Variants in WDSUB1 observed in about 807,000 individuals in gnomAD.
WDSUB1 encodes the protein WD repeat, SAM and U-box domain-containing protein 1.
In WDSUB1, 49 loss-of-function variants were observed where a neutral mutation model predicts 53.9. The observed-to-expected ratio is 0.91, with a 90% confidence interval of 0.72 to 1.15. The LOEUF (loss-of-function observed/expected upper bound fraction) is 1.15, where lower values mean the gene tolerates loss of function less well. Among genes scored for constraint, WDSUB1 ranks in the 50% most tolerant of loss-of-function variants. The pLI, the probability that WDSUB1 is intolerant of heterozygous loss-of-function variation, is 0.00. For missense variants in WDSUB1, 514 were observed against 562.0 expected (o/e 0.91, Z 0.86); for synonymous variants, 194 against 200.6 (o/e 0.97, Z 0.28).
chr2:159,239,885 C>T (rs2060597898), intron 10 of WDSUB1, among the ~76,000 whole-genome samples: 1 of 152,228 alleles, frequency 6.6e-6, no homozygotes, highest in South Asian at 2.1e-4. Flanking sequence ...AGAAACTAAA[C>T]TTCTGTTTCC....
rs765604516 is a variant in WDSUB1, at chr2:159,256,224, T to C, written c.1104A>G (p.Lys368=). 1 of 1,602,974 alleles carries C rather than the reference T, an allele frequency of 6.2e-7. No homozygotes were observed. The highest frequency in any genetic ancestry group is 1.7e-5 in the Admixed American group (1 of 57,228). ...TTTTCAAATCATCAGCCAGACTTTC[T>C]TTTGTAAGATTCAACAGTTCTTTTC... ...IDGKELLNLT[K]ESLADDLKIE... is the part of the protein sequence containing the mutation. Residue 368 remains lysine, a synonymous_variant, in exon 9 of 11, where the codon AAA becomes AAG. Coordinates refer to ENST00000359774, the MANE Select transcript of WDSUB1 (RefSeq NM_001128212.3).
intron 9 of WDSUB1, among the ~76,000 whole-genome samples, chr2:159,253,449 C>A (rs911339630): frequency 1.3e-5 from 2 of 152,154 alleles, no homozygotes; most frequent in Non-Finnish European, 2.9e-5. Context: ...GCAGAAATTT[C>A]ATTTATTGTG....
chr2:159,238,069 T>C (rs2060535664), intron 10 of WDSUB1, among the ~76,000 whole-genome samples: 1 of 152,212 alleles, frequency 6.6e-6, no homozygotes, highest in Non-Finnish European at 1.5e-5. Flanking sequence ...TTTTTGCCAG[T>C]CTCTAGGTAA....
chr2:159,281,094 T>C (rs573141296), intron 2 of WDSUB1, among the ~76,000 whole-genome samples: 29 of 152,178 alleles, frequency 1.9e-4, no homozygotes, highest in Non-Finnish European at 4.0e-4. Flanking sequence ...AAATGAGCAA[T>C]AGTTGTTGAC....
Position 159,235,810 on chromosome 2 carries a change from CTT to C in WDSUB1, c.*221_*222del, listed in dbSNP as rs1429754220. The C allele has an allele frequency of 8.4e-6, 3 of 355,166 alleles. No individual in the cohort carries two copies. The highest frequency in any genetic ancestry group is 4.2e-5 in the African/African-American group (2 of 47,314). 22.0% of individuals were successfully genotyped at this position (355,166 alleles called of 1,614,324 possible). On this transcript the variant is annotated 3_prime_UTR_variant, in exon 11 of 11. Coordinates refer to ENST00000359774, the MANE Select transcript of WDSUB1 (RefSeq NM_001128212.3). Reference sequence around the variant, plus strand: ...TAGGACACTGCAATTTAAAGTATAACTTTATTTCTATATAGCTGAAGATTCTT... The same window carrying C: ...TAGGACACTGCAATTTAAAGTATAACTATTTCTATATAGCTGAAGATTCTT...
rs1248231160 is a variant in WDSUB1, at chr2:159,275,627, CT to C, written c.594del (p.Gly199ValfsTer27). 2.5e-6 allele frequency: 4 copies of C among 1,595,334 alleles called. No individual in the cohort carries two copies. Among genetic ancestry groups the C allele is most frequent in the Non-Finnish European group, 3.4e-6 (4 of 1,175,190 alleles). ...FSSQPVSDGE[Q>X]GLQFFRLASC... ...GATGCCAGTCGAAAAAACTGAAGACCTTGTTCTCCATCTAAAATTTATTAAA... is the reference window on the plus strand; with the variant it reads ...GATGCCAGTCGAAAAAACTGAAGACCTGTTCTCCATCTAAAATTTATTAAA... On this transcript the variant is annotated frameshift_variant, in exon 4 of 11. Transcript: ENST00000359774. LOFTEE classifies it high-confidence loss of function.
Position 159,236,057 on chromosome 2 carries a change from T to C in WDSUB1, c.1407A>G (p.Arg469=). The change falls in exon 11 of 11, where the codon AGA becomes AGG. Residue 469 remains arginine, a synonymous_variant. Coordinates refer to ENST00000359774, the MANE Select transcript of WDSUB1 (RefSeq NM_001128212.3). ...TTTACTTTTGGTGTGTCTCCAGCCA[T>C]CTATTGATGGCCATTTTCAGAGTCC... The part of the protein sequence containing the change: ...PNRTLKMAIN[R]WLETHQK 16 of 1,607,662 alleles carry C rather than the reference T, an allele frequency of 1.0e-5. No homozygotes were observed. Among genetic ancestry groups the C allele is most frequent in the Non-Finnish European group, 1.4e-5 (16 of 1,178,328 alleles).
intron 4 of WDSUB1, among the ~76,000 whole-genome samples, chr2:159,274,423 A>G (rs1210680493): frequency 6.6e-6 from 1 of 152,208 alleles, no homozygotes; most frequent in Non-Finnish European, 1.5e-5. Flanking sequence ...GTTCCAGAAT[A>G]TCAATAGCCA....
intron 4 of WDSUB1, among the ~76,000 whole-genome samples, chr2:159,273,779 C>A (rs553492667): frequency 2.0e-5 from 3 of 152,246 alleles, no homozygotes; most frequent in African/African-American, 7.2e-5. Context: ...GTTAAAAAGT[C>A]AGTGTCAACA....
intron 2 of WDSUB1, 146 bp downstream of exon 2, chr2:159,282,526 C>T (rs1251451972): frequency 3.3e-6 from 3 of 916,504 alleles, no homozygotes; most frequent in Non-Finnish European, 3.2e-6. Flanking sequence ...TACCTGAAAA[C>T]TATTGGCTTC....
intron 10 of WDSUB1, among the ~76,000 whole-genome samples, chr2:159,238,416 C>G (rs1327217976): frequency 6.6e-6 from 1 of 152,188 alleles, no homozygotes; most frequent in African/African-American, 2.4e-5. Flanking sequence ...TCCGGAATAG[C>G]TGGGACTCCA....
intron 10 of WDSUB1, among the ~76,000 whole-genome samples, chr2:159,238,977 C>T (rs1452680024): frequency 1.3e-5 from 2 of 151,914 alleles, no homozygotes; most frequent in African/African-American, 4.8e-5. Flanking sequence ...AAAGTTTTAC[C>T]TATTTCTTAA....
intron 9 of WDSUB1, among the ~76,000 whole-genome samples, chr2:159,254,314 C>A (rs537385942): frequency 1.3e-5 from 2 of 152,326 alleles, no homozygotes; most frequent in South Asian, 4.1e-4. Context: ...AATCCTAGCA[C>A]ATTGGGAGGC....
At chr2:159,246,176 TA>T (rs1478164049) in intron 10 of WDSUB1, among the ~76,000 whole-genome samples, 1 of 152,192 alleles carries the variant, frequency 6.6e-6, no homozygotes, top group African/African-American at 2.4e-5. Context: ...CTCACGCCTG[TA>T]ATCCCAGCAC....
intron 2 of WDSUB1, among the ~76,000 whole-genome samples, chr2:159,280,966 ATAAG>A (rs1199030029): frequency 6.6e-5 from 10 of 152,170 alleles, no homozygotes; most frequent in African/African-American, 1.4e-4. Flanking sequence ...TCATCATTGG[ATAAG>A]TAAGATTCCT....
chr2:159,237,446 G>A (rs71423012), intron 10 of WDSUB1, among the ~76,000 whole-genome samples: 10 of 151,818 alleles, frequency 6.6e-5, no homozygotes, highest in Non-Finnish European at 1.3e-4. Context: ...ACTTGAGCCC[G>A]CGAGACAGAG....
chr2:159,244,620 C>CAGTT (rs573361786), intron 10 of WDSUB1, among the ~76,000 whole-genome samples: 207 of 152,228 alleles, frequency 1.4e-3, no homozygotes, highest in African/African-American at 4.9e-3. Flanking sequence ...TCAAATTGTA[C>CAGTT]AGTTATAAAA....
intron 9 of WDSUB1, 56 bp from the exon 10 acceptor site, chr2:159,248,568 A>C: frequency 7.0e-7 from 1 of 1,428,972 alleles, no homozygotes; most frequent in Non-Finnish European, 9.2e-7. Context: ...TACTACTAGG[A>C]TACTACCAGT....
At chr2:159,286,457 G>A (rs2061801942) in intron 1 of WDSUB1, 126 bp downstream of exon 1, 1 of 152,296 alleles carries the variant, frequency 6.6e-6, no homozygotes, top group South Asian at 2.1e-4. Flanking sequence ...GGTCCCGGTT[G>A]GGCCCTGCTG....
Sources: gnomAD v4.1 joint callset for allele counts (sites outside exome capture counted in the v4.1 genomes callset) on GRCh38, gnomAD v4.1.1 for gene constraint, MANE v1.5 for transcripts, NCBI Gene and HGNC (gene_info 2026-07-23, HGNC 2026-07-21) for gene names.